FER1L6: variants seen among roughly 807,000 people sequenced by gnomAD.
FER1L6 encodes the protein fer-1 like family member 6, also known as fer-1-like protein 6.
Under a neutral mutation model 219.2 loss-of-function variants are expected in FER1L6, and 177 were observed. The observed-to-expected ratio is 0.81, with a 90% confidence interval of 0.71 to 0.91. FER1L6 has a LOEUF of 0.91. Among genes scored for constraint, FER1L6 ranks in the 40% least tolerant of loss-of-function variants. FER1L6 has a pLI of 0.00. For missense variants in FER1L6, 2,153 were observed against 2,259.9 expected, an observed-to-expected ratio of 0.95 and a Z score of 0.96; for synonymous variants, 768 against 824.3, an observed-to-expected ratio of 0.93 and a Z score of 1.17.
chr8:124,002,035 T>G (rs1468984382), intron 12 of FER1L6, among the ~76,000 whole-genome samples: 2 of 152,154 alleles, frequency 1.3e-5, no homozygotes, highest in Non-Finnish European at 2.9e-5. Flanking sequence ...TACAGCCTGA[T>G]CCTGTGAGGC....
intron 1 of FER1L6, among the ~76,000 whole-genome samples, chr8:123,935,141 T>C (rs1481282400): frequency 6.6e-6 from 1 of 152,206 alleles, no homozygotes; most frequent in Non-Finnish European, 1.5e-5. Flanking sequence ...GTTTTTTTCT[T>C]TTATTTCCTC....
intron 1 of FER1L6, among the ~76,000 whole-genome samples, chr8:123,903,454 T>C (rs1812894807): frequency 6.6e-6 from 1 of 152,244 alleles, no homozygotes; most frequent in Non-Finnish European, 1.5e-5. Flanking sequence ...TTTTCTGAAA[T>C]AGATGATTCT....
At chr8:123,918,647 C>T (rs12541518) in intron 1 of FER1L6, among the ~76,000 whole-genome samples, 71,312 of 150,104 alleles carry the variant, frequency 0.48, 17,462 homozygotes, top group African/African-American at 0.6. Context: ...TCAAAGAACA[C>T]GGCAGAAAGT....
chr8:123,997,841 A>G (rs1225727785), intron 12 of FER1L6, among the ~76,000 whole-genome samples: 1 of 152,070 alleles, frequency 6.6e-6, no homozygotes, highest in Non-Finnish European at 1.5e-5. Flanking sequence ...TAGCTCCAGA[A>G]TTTCTGCTTG....
chr8:123,915,541 T>C (rs904586765), intron 1 of FER1L6, among the ~76,000 whole-genome samples: 1 of 152,162 alleles, frequency 6.6e-6, no homozygotes, highest in African/African-American at 2.4e-5. Flanking sequence ...TCATCATTAA[T>C]TAAATTTTTG....
intron 1 of FER1L6, among the ~76,000 whole-genome samples, chr8:123,860,108 C>A: frequency 8.0e-6 from 1 of 125,240 alleles, no homozygotes; most frequent in Non-Finnish European, 1.6e-5. Flanking sequence ...TTAGGTATAT[C>A]TCCCAATGCT....
chr8:124,049,402 G>T (rs1819895083), intron 21 of FER1L6, among the ~76,000 whole-genome samples: 1 of 152,044 alleles, frequency 6.6e-6, no homozygotes, highest in Non-Finnish European at 1.5e-5. Flanking sequence ...TGGCCAGCCA[G>T]GATGACCCTT....
intron 1 of FER1L6, among the ~76,000 whole-genome samples, chr8:123,881,994 C>A (rs1033535474): frequency 6.6e-6 from 1 of 152,188 alleles, no homozygotes; most frequent in African/African-American, 2.4e-5. Flanking sequence ...TCTATCATCA[C>A]TTTTGAACTA....
intron 22 of FER1L6, among the ~76,000 whole-genome samples, chr8:124,056,936 C>G (rs1284785634): frequency 1.3e-5 from 2 of 152,140 alleles, no homozygotes; most frequent in Non-Finnish European, 2.9e-5. Context: ...CCCAGCTACT[C>G]AGGAGGCTGA....
Position 123,973,470 on chromosome 8 carries a change from G to T in FER1L6, c.484G>T (p.Gly162Cys). The stretch of plus-strand genomic sequence containing the variant: ...CAAGCTGATAGGAAGTGTACTGATT[G>T]GCTCTTTCAAAGTAGACCTGGGGAC... The part of the protein sequence containing the change: ...HHKLIGSVLI[G>C]SFKVDLGTVY... The change falls in exon 7 of 41, where the codon GGC (glycine) becomes TGC (cysteine). Residue 162 changes from glycine to cysteine, a missense_variant. Gly to Cys is a radical substitution (Grantham distance 159). Transcript: ENST00000522917. The T allele has an allele frequency of 6.2e-7, 1 of 1,613,996 alleles. No individual in the cohort carries two copies. Among genetic ancestry groups the T allele is most frequent in the East Asian group, 2.2e-5 (1 of 44,868 alleles).
intron 1 of FER1L6, among the ~76,000 whole-genome samples, chr8:123,891,425 T>C (rs933604750): frequency 6.6e-6 from 1 of 152,216 alleles, no homozygotes; most frequent in African/African-American, 2.4e-5. Flanking sequence ...ACCTTCTTTT[T>C]TTTAATGATG....
At chr8:124,091,098 T>C (rs1346742918) in intron 33 of FER1L6, among the ~76,000 whole-genome samples, 1 of 152,222 alleles carries the variant, frequency 6.6e-6, no homozygotes, top group Non-Finnish European at 1.5e-5. Flanking sequence ...GTGATGGTTA[T>C]ACCTCATTGT....
chr8:124,063,219 T>C (rs571382474), intron 25 of FER1L6, among the ~76,000 whole-genome samples: 12 of 152,334 alleles, frequency 7.9e-5, no homozygotes, highest in African/African-American at 2.2e-4. Flanking sequence ...ATTGTAGATA[T>C]TGTTCATATC....
intron 22 of FER1L6, among the ~76,000 whole-genome samples, chr8:124,054,676 G>A (rs911182775): frequency 1.3e-5 from 2 of 152,114 alleles, no homozygotes; most frequent in Non-Finnish European, 2.9e-5. Flanking sequence ...CTTTAGATGC[G>A]GAGGGAAGAG....
At chr8:123,966,352 G>T (rs1473142565) in intron 5 of FER1L6, 62 bp downstream of exon 5, 3 of 1,595,708 alleles carry the variant, frequency 1.9e-6, no homozygotes, top group African/African-American at 2.7e-5. Flanking sequence ...CATTCTGCAG[G>T]ATCCTTCAGT....
chr8:123,934,370 T>C (rs1244306324), intron 1 of FER1L6, among the ~76,000 whole-genome samples: 2 of 151,388 alleles, frequency 1.3e-5, no homozygotes, highest in African/African-American at 4.9e-5. Flanking sequence ...AGTCACAATG[T>C]TTCTAGTCTC....
intron 1 of FER1L6, among the ~76,000 whole-genome samples, chr8:123,953,138 G>A (rs1814845682): frequency 6.6e-6 from 1 of 152,148 alleles, no homozygotes; most frequent in Admixed American, 6.5e-5. Flanking sequence ...CATGTCACAA[G>A]GCTGTGGAGA....
intron 1 of FER1L6, among the ~76,000 whole-genome samples, chr8:123,911,126 G>A (rs1007459545): frequency 6.6e-6 from 1 of 152,050 alleles, no homozygotes; most frequent in Non-Finnish European, 1.5e-5. Context: ...TAACTATATT[G>A]TTTGTTATTA....
chr8:123,955,140 G>C (rs1456674003), intron 1 of FER1L6, among the ~76,000 whole-genome samples: 2 of 152,106 alleles, frequency 1.3e-5, no homozygotes, highest in East Asian at 3.9e-4. Flanking sequence ...ATGGTGGCAG[G>C]CCCCTGTAAT....
Sources: allele counts gnomAD v4.1 joint callset (sites outside exome capture counted in the v4.1 genomes callset), GRCh38; gene constraint gnomAD v4.1.1; transcripts MANE v1.5; gene names NCBI Gene and HGNC (gene_info 2026-07-23, HGNC 2026-07-21).